Variants in TSTD2 observed in about 807,000 individuals in gnomAD.
TSTD2 encodes thiosulfate sulfurtransferase like domain containing 2.
TSTD2 carries 37 observed loss-of-function variants against 47.9 expected under a neutral mutation model. That is an observed-to-expected ratio of 0.77 (90% CI 0.59 to 1.02). TSTD2 has a LOEUF of 1.02. Ranked by LOEUF, TSTD2 falls within the 50% of genes least tolerant of loss-of-function variation. The pLI is 0.00. For missense variants in TSTD2, 586 were observed against 616.0 expected (o/e 0.95, Z 0.52); for synonymous variants, 201 against 215.9 (o/e 0.93, Z 0.61).
intron 3 of TSTD2, among the ~76,000 whole-genome samples, chr9:97,623,193 G>A (rs1320657505): frequency 1.3e-5 from 2 of 152,176 alleles, no homozygotes; most frequent in Non-Finnish European, 2.9e-5. Context: ...TTGTTCTTGT[G>A]ATAGTAAGTC....
rs1312276917 is a variant in TSTD2 at position 97,627,621 on chromosome 9, T to C, written c.-50-9A>G. 7.0e-7 allele frequency: 1 copy of C among 1,426,738 alleles called. No homozygotes were observed. The highest frequency in any genetic ancestry group is 9.4e-7 in the Non-Finnish European group (1 of 1,066,564). The allele number at this position is 1,426,738 out of a possible 1,614,324, so 88.4% of individuals were successfully genotyped here. On this transcript the variant is annotated splice_polypyrimidine_tract_variant and intron_variant, in intron 1 of 9. Coordinates refer to ENST00000341170, the MANE Select transcript of TSTD2 (RefSeq NM_139246.5). ...TTTCAGTTAAATACCTCCTAGAATA[T>C]AAATAAGAAAGAAGCAGCCATGCTA...
chr9:97,608,119 GT>G (rs1387196466), intron 6 of TSTD2, among the ~76,000 whole-genome samples: 1 of 152,106 alleles, frequency 6.6e-6, no homozygotes, highest in African/African-American at 2.4e-5. Context: ...GGAGGCAGAG[GT>G]TGCAGTGAGC....
intron 4 of TSTD2, 128 bp from the exon 5 acceptor site, chr9:97,611,827 A>AGTAACC (rs1430941038): frequency 1.1e-6 from 1 of 875,740 alleles, no homozygotes; most frequent in Non-Finnish European, 1.7e-6. Flanking sequence ...TGAGGACACC[A>AGTAACC]AAGTGTTACT....
intron 1 of TSTD2, among the ~76,000 whole-genome samples, chr9:97,632,969 C>T (rs1169410158): frequency 6.6e-6 from 1 of 152,234 alleles, no homozygotes; most frequent in African/African-American, 2.4e-5. Flanking sequence ...GACGCTCACA[C>T]ACAGGCATAT....
intron 1 of TSTD2, among the ~76,000 whole-genome samples, chr9:97,632,750 G>A (rs1250619543): frequency 6.6e-6 from 1 of 152,186 alleles, no homozygotes; most frequent in African/African-American, 2.4e-5. Context: ...TGAAAGCAGA[G>A]CAGGCAGGGT....
At chr9:97,627,071 G>A (rs1238721724) in intron 2 of TSTD2, among the ~76,000 whole-genome samples, 1 of 151,944 alleles carries the variant, frequency 6.6e-6, no homozygotes, top group African/African-American at 2.4e-5. Flanking sequence ...TGTTTTTAGT[G>A]ATCTTTTGTT....
chr9:97,631,791 C>T (rs745682446), intron 1 of TSTD2, among the ~76,000 whole-genome samples: 74 of 152,120 alleles, frequency 4.9e-4, no homozygotes, highest in Non-Finnish European at 1.0e-3. Context: ...TTACAACGAG[C>T]CAAGACCGTG....
At chr9:97,616,562 G>A (rs999017955) in intron 4 of TSTD2, among the ~76,000 whole-genome samples, 1 of 152,152 alleles carries the variant, frequency 6.6e-6, no homozygotes, top group Non-Finnish European at 1.5e-5. Flanking sequence ...ACGGAATTAA[G>A]GAATATTTGA....
chr9:97,612,451 A>C (rs933521227), intron 4 of TSTD2, among the ~76,000 whole-genome samples: 1 of 152,258 alleles, frequency 6.6e-6, no homozygotes, highest in Non-Finnish European at 1.5e-5. Context: ...GAGCTAATTT[A>C]CACTCCCACC....
intron 3 of TSTD2, among the ~76,000 whole-genome samples, chr9:97,619,900 C>T (rs1826603250): frequency 6.6e-6 from 1 of 152,068 alleles, no homozygotes; most frequent in African/African-American, 2.4e-5. Flanking sequence ...TCAATAATTG[C>T]TTAAAGTCAG....
At chr9:97,629,436 C>T (rs534771773) in intron 1 of TSTD2, among the ~76,000 whole-genome samples, 1 of 152,252 alleles carries the variant, frequency 6.6e-6, no homozygotes, top group East Asian at 1.9e-4. Flanking sequence ...CTAAGTGGTG[C>T]TTTCATGGGG....
At chr9:97,633,008 T>C (rs991570204) in intron 1 of TSTD2, among the ~76,000 whole-genome samples, 1 of 152,144 alleles carries the variant, frequency 6.6e-6, no homozygotes, top group African/African-American at 2.4e-5. Flanking sequence ...GAAAACAGAT[T>C]ACTAAAACAA....
chr9:97,622,359 C>T (rs1200178273), intron 3 of TSTD2, among the ~76,000 whole-genome samples: 4 of 152,240 alleles, frequency 2.6e-5, no homozygotes, highest in Middle Eastern at 6.3e-3. Flanking sequence ...GTTTGGGAAC[C>T]TCTGCCTAGA....
intron 5 of TSTD2, 136 bp downstream of exon 5, chr9:97,611,438 C>G: frequency 9.2e-7 from 1 of 1,081,972 alleles, no homozygotes; most frequent in South Asian, 2.1e-5. Context: ...AAAAAACTCC[C>G]CAAGCCCCAA....
chr9:97,618,920 G>A (rs1231763088), intron 3 of TSTD2, among the ~76,000 whole-genome samples: 1 of 152,104 alleles, frequency 6.6e-6, no homozygotes, highest in African/African-American at 2.4e-5. Context: ...GTTAGTCTCT[G>A]TAACATACAA....
chr9:97,627,798 T>A (rs559407701), intron 1 of TSTD2, among the ~76,000 whole-genome samples, 186 bp from the exon 2 acceptor site: 101 of 152,364 alleles, frequency 6.6e-4, no homozygotes, highest in African/African-American at 2.1e-3. Flanking sequence ...GCACTGAGAA[T>A]ATAGCAGTAA....
Position 97,625,735 on chromosome 9 carries a change from T to A in TSTD2, c.428A>T (p.Asp143Val), listed in dbSNP as rs1440396598. The part of the protein sequence containing the change: ...PLKECLPHSH[D>V]VSAWLPDISC... ...TATATCAGGGAGCCAAGCAGACACG[T>A]CATGGCTATGTGGAAGGCACTCTTT... The change falls in exon 3 of 10, where the codon GAC becomes GTC. Residue 143 changes from aspartate to valine, a missense_variant. Coordinates refer to ENST00000341170, the MANE Select transcript of TSTD2 (RefSeq NM_139246.5). 6.2e-7 allele frequency: 1 copy of A among 1,614,006 alleles called. No individual in the cohort carries two copies. Among genetic ancestry groups the A allele is most frequent in the East Asian group, 2.2e-5 (1 of 44,888 alleles).
At chr9:97,605,367 T>C (rs1038617167) in intron 8 of TSTD2, 116 bp downstream of exon 8, 12 of 1,304,526 alleles carry the variant, frequency 9.2e-6, no homozygotes, top group African/African-American at 1.5e-5. Flanking sequence ...GGTGAAGGCA[T>C]GCTTTGGCTG....
At position 97,600,715 on chromosome 9, in the gene TSTD2, G is replaced by GGT; in HGVS notation, c.*1752_*1753dup. ...AAGCCTCCGCAGGATGCCGGACAAT[G>GGT]GTGAAGAAACTCCAGATATCAAGGA... is the stretch of plus-strand genomic sequence containing the variant. On this transcript the variant is annotated 3_prime_UTR_variant, in exon 10 of 10. Coordinates refer to ENST00000341170, the MANE Select transcript of TSTD2 (RefSeq NM_139246.5). 9.9e-7 allele frequency: 1 copy of GGT among 1,005,840 alleles called. No individual in the cohort carries two copies. Among genetic ancestry groups the GGT allele is most frequent in the Non-Finnish European group, 1.2e-6 (1 of 842,380 alleles). The allele number at this position is 1,005,840 out of a possible 1,614,324, so 62.3% of individuals were successfully genotyped here.
Sources: allele counts gnomAD v4.1 joint callset (sites outside exome capture counted in the v4.1 genomes callset), GRCh38; gene constraint gnomAD v4.1.1; transcripts MANE v1.5; gene names NCBI Gene and HGNC (gene_info 2026-07-23, HGNC 2026-07-21).